NOS1AP: variants seen among roughly 807,000 people sequenced by gnomAD.
NOS1AP encodes the protein nitric oxide synthase 1 adaptor protein.
Under a neutral mutation model 56.2 loss-of-function variants are expected in NOS1AP, and 21 were observed. The observed-to-expected ratio is 0.37, with a 90% CI of 0.26 to 0.54. The LOEUF (loss-of-function observed/expected upper bound fraction) is 0.54. Among genes scored for constraint, NOS1AP ranks in the 20% least tolerant of loss-of-function variants. The pLI, the probability that NOS1AP is intolerant of heterozygous loss-of-function variation, is 0.84. For synonymous variants in NOS1AP, 270 were observed against 274.6 expected, an observed-to-expected ratio of 0.98 and a Z score of 0.17; for missense variants, 522 against 657.8, an observed-to-expected ratio of 0.79 and a Z score of 2.26.
intron 2 of NOS1AP, among the ~76,000 whole-genome samples, chr1:162,265,974 C>T (rs538181205): frequency 9.9e-5 from 15 of 152,200 alleles, no homozygotes; most frequent in African/African-American, 2.6e-4. Flanking sequence ...TGGCTTTATC[C>T]GAGGCCAGAC....
At chr1:162,200,358 A>G (rs976236801) in intron 2 of NOS1AP, among the ~76,000 whole-genome samples, 3 of 152,212 alleles carry the variant, frequency 2.0e-5, no homozygotes, top group Admixed American at 6.5e-5. Context: ...ATCTTAAAGC[A>G]TCTCTCTTCA....
At chr1:162,323,878 A>G (rs1656494736) in intron 4 of NOS1AP, among the ~76,000 whole-genome samples, 1 of 152,220 alleles carries the variant, frequency 6.6e-6, no homozygotes, top group Non-Finnish European at 1.5e-5. Context: ...ATCTCAGTGT[A>G]TACTGGGGAG....
At chr1:162,229,770 C>T (rs1174898300) in intron 2 of NOS1AP, among the ~76,000 whole-genome samples, 6 of 152,046 alleles carry the variant, frequency 3.9e-5, no homozygotes, top group African/African-American at 1.4e-4. Flanking sequence ...GGTAGTAATA[C>T]AATGAAAAAC....
At chr1:162,120,688 C>T (rs1030974680) in intron 1 of NOS1AP, among the ~76,000 whole-genome samples, 4 of 150,036 alleles carry the variant, frequency 2.7e-5, no homozygotes, top group African/African-American at 1.0e-4. Flanking sequence ...GGGGGAACCG[C>T]CCCCCCCATG....
At chr1:162,304,329 T>A (rs1246539560) in intron 4 of NOS1AP, among the ~76,000 whole-genome samples, 3 of 152,208 alleles carry the variant, frequency 2.0e-5, no homozygotes, top group Non-Finnish European at 4.4e-5. Context: ...CTCTGTGAGG[T>A]TTATTTCTGG....
chr1:162,310,176 C>T (rs1371926288), intron 4 of NOS1AP, among the ~76,000 whole-genome samples: 2 of 152,154 alleles, frequency 1.3e-5, no homozygotes, highest in Non-Finnish European at 2.9e-5. Context: ...TCCCGTTAGA[C>T]TCTGGAAGGG....
intron 2 of NOS1AP, among the ~76,000 whole-genome samples, chr1:162,221,530 GCGCGCACACACACACACA>G (rs1000466818): frequency 1.3e-4 from 8 of 62,488 alleles, no homozygotes; most frequent in African/African-American, 3.0e-4. Flanking sequence ...GCACACACAC[GCGCGCACACACACACACA>G]CACACACACA....
chr1:162,235,473 G>A (rs940837759), intron 2 of NOS1AP, among the ~76,000 whole-genome samples: 1 of 152,242 alleles, frequency 6.6e-6, no homozygotes. Flanking sequence ...TCACTGTTGC[G>A]CATACCTGGA....
intron 1 of NOS1AP, among the ~76,000 whole-genome samples, chr1:162,095,777 C>A (rs968276305): frequency 8.5e-5 from 13 of 152,172 alleles, no homozygotes; most frequent in Non-Finnish European, 1.3e-4. Flanking sequence ...CTGAGCAAGT[C>A]ACTTAATCTT....
chr1:162,091,129 C>T (rs1340224367), intron 1 of NOS1AP, among the ~76,000 whole-genome samples: 5 of 152,124 alleles, frequency 3.3e-5, no homozygotes, highest in Admixed American at 2.0e-4. Context: ...CCTGAGCCTT[C>T]TCTTTTCTTT....
intron 1 of NOS1AP, among the ~76,000 whole-genome samples, chr1:162,142,187 GA>G (rs1474405558): frequency 6.6e-6 from 1 of 152,170 alleles, no homozygotes; most frequent in African/African-American, 2.4e-5. Flanking sequence ...AGAGCTGACA[GA>G]AGATCTAAAT....
intron 3 of NOS1AP, among the ~76,000 whole-genome samples, chr1:162,290,948 A>G (rs1655266302): frequency 6.6e-6 from 1 of 151,908 alleles, no homozygotes; most frequent in South Asian, 2.1e-4. Flanking sequence ...CCAGCTCTGG[A>G]ACCATGCTTT....
At chr1:162,261,527 AG>A (rs1654233906) in intron 2 of NOS1AP, among the ~76,000 whole-genome samples, 2 of 41,042 alleles carry the variant, frequency 4.9e-5, no homozygotes, top group Non-Finnish European at 1.4e-4. Flanking sequence ...AGAGAGAGAG[AG>A]AGAGAGAGAG....
intron 6 of NOS1AP, among the ~76,000 whole-genome samples, chr1:162,347,006 T>C (rs373390478): frequency 3.3e-5 from 5 of 152,308 alleles, no homozygotes; most frequent in East Asian, 1.9e-4. Context: ...AACAGAGAGA[T>C]AGATAGACTT....
intron 2 of NOS1AP, among the ~76,000 whole-genome samples, chr1:162,156,165 C>T (rs187235254): frequency 2.2e-4 from 33 of 152,248 alleles, no homozygotes; most frequent in Middle Eastern, 6.8e-3. Flanking sequence ...TTTATTGAGA[C>T]TGCTATTAAA....
chr1:162,206,900 C>A (rs1652180899), intron 2 of NOS1AP, among the ~76,000 whole-genome samples: 3 of 152,200 alleles, frequency 2.0e-5, no homozygotes, highest in Admixed American at 2.0e-4. Context: ...GCCACGAGGG[C>A]ATCCTATAAA....
At chr1:162,087,929 C>T (rs1692040066) in intron 1 of NOS1AP, among the ~76,000 whole-genome samples, 1 of 152,036 alleles carries the variant, frequency 6.6e-6, no homozygotes, top group Admixed American at 6.6e-5. Context: ...AGGATTTATC[C>T]ATTATTTGTC....
chr1:162,312,100 C>A (rs1656053910), intron 4 of NOS1AP, among the ~76,000 whole-genome samples: 1 of 149,822 alleles, frequency 6.7e-6, no homozygotes, highest in African/African-American at 2.5e-5. Flanking sequence ...ATATACCCAG[C>A]AATGGGATGG....
intron 2 of NOS1AP, among the ~76,000 whole-genome samples, chr1:162,177,614 T>C (rs529661824): frequency 6.6e-6 from 1 of 152,330 alleles, no homozygotes; most frequent in Non-Finnish European, 1.5e-5. Flanking sequence ...ATTTACTTAT[T>C]TATTTTGAAG....
Sources: allele counts gnomAD v4.1 joint callset (sites outside exome capture counted in the v4.1 genomes callset), GRCh38; gene constraint gnomAD v4.1.1; transcripts MANE v1.5; gene names NCBI Gene and HGNC (gene_info 2026-07-23, HGNC 2026-07-21).